Variants in SLC25A21 observed in about 807,000 individuals in gnomAD.
SLC25A21 encodes mitochondrial 2-oxodicarboxylate carrier.
A neutral mutation model predicts 43.8 loss-of-function variants in SLC25A21; 47 were observed. The ratio of observed to expected loss-of-function variants is 1.07; its 90% CI spans 0.85 to 1.37. The LOEUF (loss-of-function observed/expected upper bound fraction) is 1.37. Ranked by LOEUF, SLC25A21 falls within the 40% of genes most tolerant of loss-of-function variation. SLC25A21 has a pLI of 0.00. For missense variants in SLC25A21, 352 were observed against 350.2 expected (o/e 1.00, Z -0.04); for synonymous variants, 131 against 121.3 (o/e 1.08, Z -0.52).
At chr14:36,919,065 C>T (rs760300442) in intron 1 of SLC25A21, among the ~76,000 whole-genome samples, 38 of 151,718 alleles carry the variant, frequency 2.5e-4, no homozygotes, top group Middle Eastern at 3.4e-3. Flanking sequence ...GTCCTAGGAA[C>T]ATTCATATAA....
At chr14:36,747,499 A>G (rs1179181552) in intron 3 of SLC25A21, among the ~76,000 whole-genome samples, 3 of 152,212 alleles carry the variant, frequency 2.0e-5, no homozygotes, top group East Asian at 3.9e-4. Context: ...CAGGGCTAAC[A>G]TGACGGCAGC....
chr14:36,848,646 C>A (rs1253591077), intron 2 of SLC25A21, among the ~76,000 whole-genome samples: 1 of 152,172 alleles, frequency 6.6e-6, no homozygotes, highest in Non-Finnish European at 1.5e-5. Flanking sequence ...CAGCAGATTT[C>A]TCTGCCTTAT....
Position 36,679,303 on chromosome 14 carries a change from T to A in SLC25A21, c.*1355A>T. The A allele has an allele frequency of 1.0e-6, 1 of 974,566 alleles. No homozygotes were observed. The highest frequency in any genetic ancestry group is 1.2e-6 in the Non-Finnish European group (1 of 820,136). The allele number at this position is 974,566 out of a possible 1,614,324, so 60.4% of individuals were successfully genotyped here. ...GAAGGCTATGTATGTATATACAGTA[T>A]GTCAAAAGCCTTTTATTTTTATACT... On this transcript the variant is annotated 3_prime_UTR_variant, in exon 10 of 10. Coordinates refer to ENST00000331299, the MANE Select transcript of SLC25A21 (RefSeq NM_030631.4).
chr14:36,746,781 T>C (rs966265857), intron 3 of SLC25A21, among the ~76,000 whole-genome samples: 6 of 152,274 alleles, frequency 3.9e-5, no homozygotes, highest in African/African-American at 1.2e-4. Context: ...CTTTCATTAA[T>C]ATACTCTGTG....
chr14:37,145,273 AT>A (rs138575645), intron 1 of SLC25A21, among the ~76,000 whole-genome samples: 7,289 of 151,386 alleles, frequency 0.048, 348 homozygotes, highest in Admixed American at 0.1. Context: ...TCTATTCTCT[AT>A]TTTTTTTAAG....
chr14:36,965,335 T>C (rs1959588371), intron 1 of SLC25A21, among the ~76,000 whole-genome samples: 1 of 152,140 alleles, frequency 6.6e-6, no homozygotes, highest in Admixed American at 6.5e-5. Flanking sequence ...TTTAAAGTCT[T>C]GGTTTATGTT....
At chr14:37,107,581 T>C (rs1223633487) in intron 1 of SLC25A21, among the ~76,000 whole-genome samples, 1 of 152,148 alleles carries the variant, frequency 6.6e-6, no homozygotes, top group African/African-American at 2.4e-5. Context: ...GTATATATAG[T>C]GTCTACTAAG....
intron 2 of SLC25A21, among the ~76,000 whole-genome samples, chr14:36,837,783 G>A (rs1314323770): frequency 6.6e-6 from 1 of 152,274 alleles, no homozygotes; most frequent in South Asian, 2.1e-4. Flanking sequence ...TCCTCACACT[G>A]AAAGACTTCC....
chr14:37,016,425 A>G lies in SLC25A21; in HGVS notation c.71-141421T>C, dbSNP rs1325989477. ...ATATCTCTGTTTTGGTACCAGTACC[A>G]TGCTGTTTTGGTTACTGTAGCCTTG... is the stretch of plus-strand genomic sequence containing the variant. On this transcript the variant is annotated intron_variant, in intron 1 of 9. Transcript: ENST00000331299. Among the ~76,000 whole-genome samples, 5 of 152,270 alleles carry G rather than the reference A, an allele frequency of 3.3e-5. No homozygotes were observed. The East Asian group carries it at 9.7e-4, about 29-fold the overall frequency.
At chr14:36,970,111 CAATAT>C (rs1408443357) in intron 1 of SLC25A21, among the ~76,000 whole-genome samples, 1 of 151,950 alleles carries the variant, frequency 6.6e-6, no homozygotes, top group Non-Finnish European at 1.5e-5. Flanking sequence ...AAAAAACAAA[CAATAT>C]ATCAGTGATT....
chr14:37,084,322 T>C (rs1962443321), intron 1 of SLC25A21, among the ~76,000 whole-genome samples: 1 of 152,212 alleles, frequency 6.6e-6, no homozygotes, highest in South Asian at 2.1e-4. Context: ...AGATCTCAGA[T>C]GATATACTCC....
At chr14:36,938,592 C>T (rs1156253555) in intron 1 of SLC25A21, among the ~76,000 whole-genome samples, 7 of 151,980 alleles carry the variant, frequency 4.6e-5, no homozygotes, top group Admixed American at 3.9e-4. Context: ...TATTTCAATA[C>T]ATGATAAATG....
At chr14:37,107,941 T>C (rs779970575) in intron 1 of SLC25A21, among the ~76,000 whole-genome samples, 12 of 152,164 alleles carry the variant, frequency 7.9e-5, no homozygotes, top group Admixed American at 1.3e-4. Flanking sequence ...GTTGGCCCAG[T>C]GGAATTATCA....
chr14:36,845,284 A>G (rs1889506570), intron 2 of SLC25A21, among the ~76,000 whole-genome samples: 1 of 152,242 alleles, frequency 6.6e-6, no homozygotes. Flanking sequence ...GACTATTCTA[A>G]TTGCATAGGA....
chr14:36,963,805 T>C (rs1959552937), intron 1 of SLC25A21, among the ~76,000 whole-genome samples: 1 of 152,152 alleles, frequency 6.6e-6, no homozygotes, highest in South Asian at 2.1e-4. Context: ...GGCTAGAACA[T>C]CACTGTTTTT....
At chr14:37,141,670 C>A (rs1007735036) in intron 1 of SLC25A21, among the ~76,000 whole-genome samples, 1 of 151,996 alleles carries the variant, frequency 6.6e-6, no homozygotes, top group Non-Finnish European at 1.5e-5. Flanking sequence ...GCAAGTTGCC[C>A]CATTAAAAAT....
chr14:37,161,872 A>C (rs1277354965), intron 1 of SLC25A21, among the ~76,000 whole-genome samples: 1 of 150,054 alleles, frequency 6.7e-6, no homozygotes, highest in Non-Finnish European at 1.5e-5. Context: ...CTGAGGCAGG[A>C]GAACGGCGTG....
At chr14:36,974,255 C>T (rs1317789119) in intron 1 of SLC25A21, among the ~76,000 whole-genome samples, 1 of 152,218 alleles carries the variant, frequency 6.6e-6, no homozygotes, top group Non-Finnish European at 1.5e-5. Context: ...CATGCTCCAG[C>T]ATTGTTTCCA....
At chr14:37,143,998 T>A (rs1342291195) in intron 1 of SLC25A21, among the ~76,000 whole-genome samples, 6 of 152,032 alleles carry the variant, frequency 3.9e-5, no homozygotes, top group African/African-American at 1.5e-4. Flanking sequence ...TTGACAAGAG[T>A]CAGAAAAGCA....
Sources: allele counts gnomAD v4.1 joint callset (sites outside exome capture counted in the v4.1 genomes callset), GRCh38; gene constraint gnomAD v4.1.1; transcripts MANE v1.5; gene names NCBI Gene and HGNC (gene_info 2026-07-23, HGNC 2026-07-21).